CCDC148: variants seen among roughly 807,000 people sequenced by gnomAD.
The protein encoded by CCDC148 is coiled-coil domain-containing protein 148.
CCDC148 carries 89 observed loss-of-function variants against 85.7 expected under a neutral mutation model. That is an observed-to-expected ratio of 1.04 (90% CI 0.87 to 1.24). The LOEUF (loss-of-function observed/expected upper bound fraction) is 1.24, where lower values mean the gene tolerates loss of function less well. Among genes scored for constraint, CCDC148 ranks in the 50% most tolerant of loss-of-function variants. CCDC148 has a pLI of 0.00. For missense variants in CCDC148, 692 were observed against 671.7 expected, an observed-to-expected ratio of 1.03 and a Z score of -0.33; for synonymous variants, 230 against 213.9, an observed-to-expected ratio of 1.08 and a Z score of -0.66.
chr2:158,447,833 GTTAT>G (rs1294687064), intron 1 of CCDC148, among the ~76,000 whole-genome samples: 1 of 152,158 alleles, frequency 6.6e-6, no homozygotes, highest in East Asian at 1.9e-4. Flanking sequence ...TTCACAGGCT[GTTAT>G]TTGTCTTTTC....
intron 9 of CCDC148, among the ~76,000 whole-genome samples, chr2:158,309,132 C>T (rs1215675932): frequency 1.3e-5 from 2 of 152,174 alleles, no homozygotes; most frequent in African/African-American, 4.8e-5. Flanking sequence ...ATTACACTTG[C>T]ATTTTTGTCT....
intron 1 of CCDC148, among the ~76,000 whole-genome samples, chr2:158,429,254 G>A (rs1687220521): frequency 6.6e-6 from 1 of 151,988 alleles, no homozygotes; most frequent in South Asian, 2.1e-4. Flanking sequence ...CCTGCACATT[G>A]AGCACATGTA....
intron 9 of CCDC148, among the ~76,000 whole-genome samples, chr2:158,263,413 T>C (rs1009137863): frequency 2.0e-5 from 3 of 152,060 alleles, no homozygotes; most frequent in South Asian, 2.1e-4. Flanking sequence ...TTAAAAAGTT[T>C]ATTAACCACT....
At chr2:158,303,835 G>A (rs1036333526) in intron 9 of CCDC148, among the ~76,000 whole-genome samples, 1 of 152,162 alleles carries the variant, frequency 6.6e-6, no homozygotes, top group Non-Finnish European at 1.5e-5. Flanking sequence ...TCAGTGGCTA[G>A]ATGCTCTGCA....
At chr2:158,436,726 G>A (rs894189513) in intron 1 of CCDC148, among the ~76,000 whole-genome samples, 8 of 152,024 alleles carry the variant, frequency 5.3e-5, no homozygotes, top group South Asian at 2.1e-4. Context: ...TTGATAGACC[G>A]CTAGCAAGAC....
At chr2:158,387,740 C>T (rs779208557) in intron 1 of CCDC148, among the ~76,000 whole-genome samples, 4 of 152,104 alleles carry the variant, frequency 2.6e-5, no homozygotes, top group Non-Finnish European at 5.9e-5. Context: ...GTTCTTCTCA[C>T]TCTGCTTGGG....
intron 1 of CCDC148, among the ~76,000 whole-genome samples, chr2:158,398,589 G>C (rs1395125251): frequency 2.0e-5 from 3 of 152,118 alleles, no homozygotes; most frequent in Non-Finnish European, 2.9e-5. Flanking sequence ...TGAGAACAAA[G>C]GCATAACACA....
chr2:158,344,815 T>A (rs927724555), intron 3 of CCDC148, among the ~76,000 whole-genome samples: 1 of 152,138 alleles, frequency 6.6e-6, no homozygotes, highest in Admixed American at 6.5e-5. Context: ...ATCTCTCCTA[T>A]GTATTCTACT....
At chr2:158,316,824 T>C (rs1333517265) in intron 7 of CCDC148, among the ~76,000 whole-genome samples, 1 of 152,192 alleles carries the variant, frequency 6.6e-6, no homozygotes, top group Non-Finnish European at 1.5e-5. Flanking sequence ...TCTAAGAATA[T>C]TTAAACATAG....
rs1688505294 is a variant in CCDC148 at position 158,454,001 on chromosome 2, C to A, written c.25+2414G>T. Among the ~76,000 whole-genome samples the A allele has an allele frequency of 2.6e-5, 4 of 152,168 alleles. No individual in the cohort carries two copies. In the South Asian group the frequency reaches 8.3e-4, roughly 32 times the overall value. ...CCAGTCATTTGCATTTCTGTGGATC[C>A]TCAGGCTAGGTAACAGTGGTTTCAT... On this transcript the variant is annotated intron_variant, in intron 1 of 13. Transcript: ENST00000283233.
At chr2:158,307,450 C>T (rs1421555043) in intron 9 of CCDC148, among the ~76,000 whole-genome samples, 1 of 152,186 alleles carries the variant, frequency 6.6e-6, no homozygotes, top group South Asian at 2.1e-4. Context: ...CAACTGAATT[C>T]GGTTGCAAAT....
At chr2:158,192,863 A>G (rs1480152490) in intron 11 of CCDC148, among the ~76,000 whole-genome samples, 1 of 114,124 alleles carries the variant, frequency 8.8e-6, no homozygotes. Flanking sequence ...GTCTAAATAG[A>G]AAAAAAAAAA....
chr2:158,336,166 C>T (rs545894783), intron 7 of CCDC148, among the ~76,000 whole-genome samples: 3 of 152,196 alleles, frequency 2.0e-5, no homozygotes, highest in Admixed American at 1.3e-4. Flanking sequence ...AGTGAAGATA[C>T]TGGTAAACTG....
intron 3 of CCDC148, among the ~76,000 whole-genome samples, chr2:158,341,385 A>C (rs7564134): frequency 0.35 from 51,852 of 150,050 alleles, 9,240 homozygotes; most frequent in African/African-American, 0.42. Flanking sequence ...CAGTTCACTG[A>C]AACCTCCATC....
chr2:158,337,510 C>G (rs10174033), intron 7 of CCDC148, among the ~76,000 whole-genome samples: 1 of 151,932 alleles, frequency 6.6e-6, no homozygotes, highest in Non-Finnish European at 1.5e-5. Flanking sequence ...TACTTCACTA[C>G]GACTGAGTTC....
chr2:158,432,437 C>A (rs1393745901), intron 1 of CCDC148, among the ~76,000 whole-genome samples: 3 of 151,974 alleles, frequency 2.0e-5, no homozygotes, highest in South Asian at 2.1e-4. Context: ...AAAAGATATA[C>A]CACAAAAATA....
chr2:158,174,254 A>G (rs1262488119), intron 13 of CCDC148, among the ~76,000 whole-genome samples: 2 of 152,084 alleles, frequency 1.3e-5, no homozygotes, highest in Non-Finnish European at 2.9e-5. Context: ...AATAGCTTAT[A>G]CAAATGCACC....
chr2:158,202,282 G>C (rs1686007826), intron 11 of CCDC148, among the ~76,000 whole-genome samples: 1 of 152,170 alleles, frequency 6.6e-6, no homozygotes, highest in Non-Finnish European at 1.5e-5. Context: ...TTATAAGTTT[G>C]CTCTGTTTTA....
At chr2:158,307,246 A>G (rs1691737281) in intron 9 of CCDC148, among the ~76,000 whole-genome samples, 1 of 152,086 alleles carries the variant, frequency 6.6e-6, no homozygotes, top group South Asian at 2.1e-4. Flanking sequence ...ACAAAACCCA[A>G]TAGAAAAATA....
Sources: gnomAD v4.1 joint callset for allele counts (sites outside exome capture counted in the v4.1 genomes callset) on GRCh38, gnomAD v4.1.1 for gene constraint, MANE v1.5 for transcripts, NCBI Gene and HGNC (gene_info 2026-07-23, HGNC 2026-07-21) for gene names.